The following TRPC7 variants were observed in gnomAD, a reference collection of about 807,000 sequenced individuals.
TRPC7 encodes the protein short transient receptor potential channel 7.
TRPC7 carries 42 observed loss-of-function variants against 90.1 expected under a neutral mutation model. The ratio of observed to expected loss-of-function variants is 0.47; its 90% CI spans 0.36 to 0.60. TRPC7 has a LOEUF of 0.60. Ranked by LOEUF, TRPC7 falls within the 20% of genes least tolerant of loss-of-function variation. The probability of loss-of-function intolerance (pLI) is 0.00; values close to 1 mark genes in which losing one functional copy is unlikely to be tolerated. For synonymous variants in TRPC7, 451 were observed against 436.3 expected (o/e 1.03, Z -0.42); for missense variants, 955 against 1,112.3 (o/e 0.86, Z 2.01).
At chr5:136,219,854 G>T (rs1438800495) in intron 10 of TRPC7, among the ~76,000 whole-genome samples, 1 of 152,216 alleles carries the variant, frequency 6.6e-6, no homozygotes, top group Non-Finnish European at 1.5e-5. Context: ...GCAAAAACCA[G>T]TTTTGCCACC....
In TRPC7 at chr5:136,226,221, G is replaced by C. The variant is rs1192216296; in HGVS notation, c.2075C>G (p.Ala692Gly). 6.4e-7 allele frequency: 1 copy of C among 1,551,666 alleles called. No individual in the cohort carries two copies. The highest frequency in any genetic ancestry group is 8.7e-7 in the Non-Finnish European group (1 of 1,147,056). Residue 692 changes from alanine to glycine, a missense_variant, in exon 9 of 12, where the codon GCA becomes GGA. Ala to Gly is a moderately conservative substitution (Grantham distance 60). Transcript: ENST00000513104. ...ATCAAAGTAAGACAGCCAGAGTTTT[G>C]CTCGGGCGAACTTCCATTCCACATC... Reference protein sequence around the residue: ...DADVEWKFARAKLWLSYFDEG... With the variant: ...DADVEWKFARGKLWLSYFDEG...
At chr5:136,258,866 C>T (rs1756766938) in intron 5 of TRPC7, among the ~76,000 whole-genome samples, 1 of 152,208 alleles carries the variant, frequency 6.6e-6, no homozygotes, top group Non-Finnish European at 1.5e-5. Flanking sequence ...GCCAACTTCT[C>T]ACCATTGGTC....
intron 3 of TRPC7, among the ~76,000 whole-genome samples, chr5:136,302,463 C>T (rs1000937966): frequency 2.0e-5 from 3 of 152,128 alleles, no homozygotes; most frequent in African/African-American, 4.8e-5. Context: ...ATGCCCCGAC[C>T]CCTTTCCCAC....
intron 2 of TRPC7, among the ~76,000 whole-genome samples, chr5:136,348,396 C>T (rs528025960): frequency 6.6e-6 from 1 of 152,334 alleles, no homozygotes; most frequent in Admixed American, 6.5e-5. Flanking sequence ...GCCCTCTTTC[C>T]TATTCTCTGT....
chr5:136,232,633 A>T (rs1755853901), intron 7 of TRPC7, among the ~76,000 whole-genome samples: 2 of 152,212 alleles, frequency 1.3e-5, no homozygotes, highest in Non-Finnish European at 2.9e-5. Context: ...CCCTTTTGAG[A>T]CTACGAAGTA....
intron 8 of TRPC7, among the ~76,000 whole-genome samples, chr5:136,228,346 T>G (rs1275184235): frequency 6.6e-6 from 1 of 150,694 alleles, no homozygotes; most frequent in East Asian, 2.0e-4. Flanking sequence ...CAGCGAGAAG[T>G]GTAAATAACT....
chr5:136,343,253 G>C (rs1454736524), intron 2 of TRPC7, among the ~76,000 whole-genome samples: 1 of 152,160 alleles, frequency 6.6e-6, no homozygotes, highest in Non-Finnish European at 1.5e-5. Context: ...AAGGTTTTCT[G>C]TTCAACAAAG....
intron 3 of TRPC7, among the ~76,000 whole-genome samples, chr5:136,291,222 A>G (rs1306323331): frequency 6.6e-6 from 1 of 152,222 alleles, no homozygotes; most frequent in Non-Finnish European, 1.5e-5. Flanking sequence ...GCTAGGAAGA[A>G]ACTGCATCAA....
chr5:136,276,824 A>G (rs1757380232), intron 3 of TRPC7, among the ~76,000 whole-genome samples: 1 of 152,196 alleles, frequency 6.6e-6, no homozygotes, highest in Non-Finnish European at 1.5e-5. Flanking sequence ...TCATGCAGAC[A>G]TTTCTGTAAT....
At chr5:136,239,605 C>T (rs1057041715) in intron 7 of TRPC7, among the ~76,000 whole-genome samples, 1 of 152,162 alleles carries the variant, frequency 6.6e-6, no homozygotes, top group African/African-American at 2.4e-5. Flanking sequence ...TGACGTATTT[C>T]AGCCTGGGCA....
intron 3 of TRPC7, among the ~76,000 whole-genome samples, chr5:136,309,242 GAC>G (rs1446268661): frequency 6.6e-6 from 1 of 152,228 alleles, no homozygotes; most frequent in African/African-American, 2.4e-5. Context: ...GTTTATGGAG[GAC>G]ACTGACTTTC....
At chr5:136,222,076 G>A (rs1330173875) in intron 10 of TRPC7, 1 of 152,022 alleles carries the variant, frequency 6.6e-6, no homozygotes, top group Non-Finnish European at 1.5e-5. Flanking sequence ...TTGGTCTCAG[G>A]TCTGCAGAGC....
intron 3 of TRPC7, among the ~76,000 whole-genome samples, chr5:136,292,188 C>G (rs1203108504): frequency 4.6e-5 from 7 of 152,114 alleles, no homozygotes; most frequent in Non-Finnish European, 1.0e-4. Context: ...AAAGACAAAG[C>G]AGGAAAGGTC....
At chr5:136,358,731 G>A (rs559296572) in intron 1 of TRPC7, among the ~76,000 whole-genome samples, 1 of 152,254 alleles carries the variant, frequency 6.6e-6, no homozygotes, top group South Asian at 2.1e-4. Context: ...TGAAATAGAG[G>A]GGCTGGACCA....
At chr5:136,286,518 A>G (rs1561701946) in intron 3 of TRPC7, among the ~76,000 whole-genome samples, 1 of 152,188 alleles carries the variant, frequency 6.6e-6, no homozygotes, top group Non-Finnish European at 1.5e-5. Context: ...ACCAAATAAA[A>G]GAGCATTGAG....
rs574393624 is a variant in TRPC7, at chr5:136,310,256, T to C, written c.963+5341A>G. 1.8e-4 allele frequency among the ~76,000 whole-genome samples: 27 copies of C among 152,348 alleles called. 1 individual carries two copies. The South Asian group carries it at 5.4e-3, about 30-fold the overall frequency. Reference sequence around the variant, plus strand: ...GAACCTCTGAAGTTCCAGGGTTTTGTTCACTTTCCTCATTTTTTAGCTTTA... The same window carrying C: ...GAACCTCTGAAGTTCCAGGGTTTTGCTCACTTTCCTCATTTTTTAGCTTTA... On this transcript the variant is annotated intron_variant, in intron 3 of 11. Coordinates refer to ENST00000513104, the MANE Select transcript of TRPC7 (RefSeq NM_020389.3).
chr5:136,301,723 C>T (rs1193794583), intron 3 of TRPC7, among the ~76,000 whole-genome samples: 1 of 152,220 alleles, frequency 6.6e-6, no homozygotes, highest in Admixed American at 6.5e-5. Context: ...TAATCCACCA[C>T]CCTTCACTGA....
chr5:136,268,253 G>A (rs1353066678), intron 4 of TRPC7, among the ~76,000 whole-genome samples: 1 of 152,130 alleles, frequency 6.6e-6, no homozygotes, highest in Non-Finnish European at 1.5e-5. Context: ...ATTGTTTCTT[G>A]TCACTGTGTC....
At chr5:136,302,141 C>T (rs985099387) in intron 3 of TRPC7, among the ~76,000 whole-genome samples, 2 of 152,186 alleles carry the variant, frequency 1.3e-5, no homozygotes, top group African/African-American at 4.8e-5. Flanking sequence ...TCTGTGGACC[C>T]AAAACTCCTG....
Sources: allele counts gnomAD v4.1 joint callset (sites outside exome capture counted in the v4.1 genomes callset), GRCh38; gene constraint gnomAD v4.1.1; transcripts MANE v1.5; gene names NCBI Gene and HGNC (gene_info 2026-07-23, HGNC 2026-07-21).